The following PACSIN1 variants were observed in gnomAD, a reference collection of about 807,000 sequenced individuals.
PACSIN1 encodes protein kinase C and casein kinase substrate in neurons 1.
In PACSIN1, 15 loss-of-function variants were observed where a neutral mutation model predicts 59.5. The ratio of observed to expected loss-of-function variants is 0.25; its 90% CI spans 0.17 to 0.39. The LOEUF is 0.39. Ranked by LOEUF, PACSIN1 falls within the 10% of genes least tolerant of loss-of-function variation. PACSIN1 has a pLI of 1.00. For synonymous variants in PACSIN1, 210 were observed against 220.6 expected, an observed-to-expected ratio of 0.95 and a Z score of 0.42; for missense variants, 420 against 580.2, an observed-to-expected ratio of 0.72 and a Z score of 2.84.
intron 3 of PACSIN1, 188 bp downstream of exon 3, chr6:34,527,676 G>T: frequency 2.4e-6 from 1 of 413,116 alleles, no homozygotes; most frequent in Non-Finnish European, 4.1e-6. Context: ...TACAATTTTA[G>T]GTTGAATTAA....
intron 1 of PACSIN1, among the ~76,000 whole-genome samples, chr6:34,471,044 C>G (rs1002776347): frequency 6.6e-6 from 1 of 152,150 alleles, no homozygotes; most frequent in African/African-American, 2.4e-5. Flanking sequence ...CTCCCAGGTT[C>G]AAGTGATTCT....
intron 1 of PACSIN1, among the ~76,000 whole-genome samples, chr6:34,513,499 C>T (rs1767237905): frequency 6.6e-6 from 1 of 152,126 alleles, no homozygotes; most frequent in Non-Finnish European, 1.5e-5. Context: ...TCCTGGGCCC[C>T]AGTCCCCACT....
chr6:34,511,647 C>T (rs1326431750), intron 1 of PACSIN1, among the ~76,000 whole-genome samples: 1 of 152,174 alleles, frequency 6.6e-6, no homozygotes, highest in Non-Finnish European at 1.5e-5. Context: ...TACACAGAAT[C>T]CCACTAAAGC....
chr6:34,520,719 A>G (rs1194420063), intron 1 of PACSIN1, among the ~76,000 whole-genome samples: 1 of 152,136 alleles, frequency 6.6e-6, no homozygotes, highest in Non-Finnish European at 1.5e-5. Context: ...AGGACGGAGG[A>G]AGCCATGCTG....
chr6:34,527,534 G>T lies in PACSIN1; in HGVS notation c.220+46G>T, dbSNP rs114662288. ...CGTGCGCGCCCCCAGGCCGTCACGAGCCCCCTAGGTCTGGGTCCTAGGAGC... is the reference window on the plus strand; with the variant it reads ...CGTGCGCGCCCCCAGGCCGTCACGATCCCCCTAGGTCTGGGTCCTAGGAGC... On this transcript the variant is annotated intron_variant, in intron 3 of 9. Coordinates refer to ENST00000244458, the MANE Select transcript of PACSIN1 (RefSeq NM_020804.5). 952 of 1,526,230 alleles carry T rather than the reference G, an allele frequency of 6.2e-4. 2 individuals carry two copies. The African/African-American group carries it at 0.012, about 19-fold the overall frequency. 94.5% of individuals were successfully genotyped at this position (1,526,230 alleles called of 1,614,324 possible).
intron 1 of PACSIN1, among the ~76,000 whole-genome samples, chr6:34,523,794 C>T (rs945066810): frequency 6.6e-6 from 1 of 152,154 alleles, no homozygotes; most frequent in African/African-American, 2.4e-5. Flanking sequence ...TTGGAAAAGG[C>T]AGAGGCAGGA....
chr6:34,486,440 C>T (rs778458696), intron 1 of PACSIN1, among the ~76,000 whole-genome samples: 2 of 152,112 alleles, frequency 1.3e-5, no homozygotes, highest in African/African-American at 2.4e-5. Flanking sequence ...GAGGTTTGAA[C>T]GGGGCCTGGA....
At chr6:34,523,358 C>T (rs1222826919) in intron 1 of PACSIN1, among the ~76,000 whole-genome samples, 4 of 152,270 alleles carry the variant, frequency 2.6e-5, no homozygotes. Context: ...CCTGGACAAG[C>T]TCTGTCCCTG....
At chr6:34,486,191 G>A (rs571550561) in intron 1 of PACSIN1, among the ~76,000 whole-genome samples, 197 of 152,034 alleles carry the variant, frequency 1.3e-3, no homozygotes, top group Non-Finnish European at 1.9e-3. Context: ...GGAACCCAGG[G>A]AGAGGGAGGC....
At chr6:34,527,727 T>C (rs550676378) in intron 3 of PACSIN1, 242 of 352,400 alleles carry the variant, frequency 6.9e-4, no homozygotes, top group African/African-American at 4.3e-3. Flanking sequence ...ATTCAAACTT[T>C]GTGAAAGTTG....
chr6:34,468,051 C>T (rs987681828), intron 1 of PACSIN1, among the ~76,000 whole-genome samples: 5 of 152,198 alleles, frequency 3.3e-5, no homozygotes, highest in African/African-American at 1.2e-4. Flanking sequence ...GGGGTGCCAA[C>T]TTTAGACCAG....
rs889689019 is a variant in PACSIN1 at position 34,521,595 on chromosome 6, C to G, written c.-63-4648C>G. Among the ~76,000 whole-genome samples, 1 of 152,082 alleles carries G rather than the reference C, an allele frequency of 6.6e-6. No homozygotes were observed. The highest frequency in any genetic ancestry group is 1.5e-5 in the Non-Finnish European group (1 of 67,998). ...GGTGAGCTGGCTCCAGAGCCCTGCACCCCCCAGTCTGCACTTCACAGGCTG... is the reference window on the plus strand; with the variant it reads ...GGTGAGCTGGCTCCAGAGCCCTGCAGCCCCCAGTCTGCACTTCACAGGCTG... On this transcript the variant is annotated intron_variant, in intron 1 of 9. Coordinates refer to ENST00000244458, the MANE Select transcript of PACSIN1 (RefSeq NM_020804.5). The surrounding 1 kb of genome is among the most constrained non-coding windows in gnomAD (Gnocchi z 4.3).
chr6:34,514,258 G>A lies in PACSIN1; in HGVS notation c.-63-11985G>A, dbSNP rs948119107. Among the ~76,000 whole-genome samples, 4 of 151,890 alleles carry A rather than the reference G, an allele frequency of 2.6e-5. No homozygotes were observed. The highest frequency in any genetic ancestry group is 4.4e-5 in the Non-Finnish European group (3 of 67,992). ...AGCCATGGCCTGTGGGAGAAGTGTC[G>A]GAACTGGCATCACAAGGTCTCGGTG... On this transcript the variant is annotated intron_variant, in intron 1 of 9. Transcript: ENST00000244458. This position sits in a 1 kb window ranked among gnomAD's most constrained non-coding sequence, Gnocchi z 4.4.
intron 1 of PACSIN1, among the ~76,000 whole-genome samples, chr6:34,480,416 G>A (rs896260177): frequency 6.6e-6 from 1 of 151,166 alleles, no homozygotes; most frequent in African/African-American, 2.4e-5. Flanking sequence ...GTAGAGATGG[G>A]GCGCTCCCTA....
rs897754115 is a variant in PACSIN1 at position 34,518,195 on chromosome 6, G to A, written c.-63-8048G>A. ...CCACCCCAAGCCACTGAAGCGGGAG[G>A]GCCACGGCCCCTTCTTCCTGGTCAG... On this transcript the variant is annotated intron_variant, in intron 1 of 9. Transcript: ENST00000244458. The surrounding 1 kb of genome is among the most constrained non-coding windows in gnomAD (Gnocchi z 4.4). Among the ~76,000 whole-genome samples the A allele has an allele frequency of 2.0e-5, 3 of 152,214 alleles. No homozygotes were observed. The highest frequency in any genetic ancestry group is 4.4e-5 in the Non-Finnish European group (3 of 68,034).
At chr6:34,487,374 A>G (rs1438808395) in intron 1 of PACSIN1, among the ~76,000 whole-genome samples, 1 of 152,148 alleles carries the variant, frequency 6.6e-6, no homozygotes, top group Non-Finnish European at 1.5e-5. Flanking sequence ...CAGACATGGA[A>G]TCACGTGGAA....
Position 34,531,570 on chromosome 6 carries a change from T to G in PACSIN1, c.1038-30T>G, listed in dbSNP as rs773727333. On this transcript the variant is annotated intron_variant, in intron 8 of 9. Transcript: ENST00000244458. This position sits in a 1 kb window ranked among gnomAD's most constrained non-coding sequence, Gnocchi z 4.4. ...CCTCGGGATGCGGTACGGGGAGACA[T>G]TGAAGCTGGCTCCTTCCTCCGCGTC... is the stretch of plus-strand genomic sequence containing the variant. The G allele has an allele frequency of 6.2e-7, 1 of 1,609,244 alleles. No individual in the cohort carries two copies. The highest frequency in any genetic ancestry group is 8.5e-7 in the Non-Finnish European group (1 of 1,177,094).
rs189855466 is a variant in PACSIN1 at position 34,527,946 on chromosome 6, G to A, written c.220+458G>A. 1.8e-3 allele frequency among the ~76,000 whole-genome samples: 281 copies of A among 152,308 alleles called. 4 individuals are homozygous for A. The highest frequency in any genetic ancestry group is 2.9e-4 in the Non-Finnish European group (20 of 68,032). On this transcript the variant is annotated intron_variant, in intron 3 of 9. Transcript: ENST00000244458. ...ACCAGAGTTCAGCTATCAAATTTGG[G>A]ACATGTAATACGACCCATACGCACA...
rs957708323 is a variant in PACSIN1, at chr6:34,529,235, C to A, written c.457-162C>A. Among the ~76,000 whole-genome samples the A allele has an allele frequency of 1.3e-5, 2 of 151,952 alleles. No individual in the cohort carries two copies. The highest frequency in any genetic ancestry group is 4.8e-5 in the African/African-American group (2 of 41,368). On this transcript the variant is annotated intron_variant, in intron 4 of 9. Coordinates refer to ENST00000244458, the MANE Select transcript of PACSIN1 (RefSeq NM_020804.5). The surrounding 1 kb of genome is among the most constrained non-coding windows in gnomAD (Gnocchi z 6.3). ...AGAGACGCAGCCACAAATGGAGGAGCGCTGCTCCCGAACACCTGGAGCCAG... is the reference window on the plus strand; with the variant it reads ...AGAGACGCAGCCACAAATGGAGGAGAGCTGCTCCCGAACACCTGGAGCCAG...
Sources: gnomAD v4.1 joint callset for allele counts (sites outside exome capture counted in the v4.1 genomes callset) on GRCh38, gnomAD v4.1.1 for gene constraint, Gnocchi (gnomAD v3.1) non-coding constraint, MANE v1.5 for transcripts, NCBI Gene and HGNC (gene_info 2026-07-23, HGNC 2026-07-21) for gene names.